The following PDZRN4 variants were observed in gnomAD, a reference collection of about 807,000 sequenced individuals.
The protein encoded by PDZRN4 is PDZ domain containing ring finger 4, also known as PDZ domain-containing RING finger protein 4.
In PDZRN4, 70 loss-of-function variants were observed where a neutral mutation model predicts 99.0. The ratio of observed to expected loss-of-function variants is 0.71; its 90% CI spans 0.58 to 0.86. The LOEUF (loss-of-function observed/expected upper bound fraction) is 0.86, where lower values mean the gene tolerates loss of function less well. Ranked by LOEUF, PDZRN4 falls within the 40% of genes least tolerant of loss-of-function variation. The pLI, the probability that PDZRN4 is intolerant of heterozygous loss-of-function variation, is 0.00. For synonymous variants in PDZRN4, 551 were observed against 501.6 expected (o/e 1.10, Z -1.32); for missense variants, 1,474 against 1,331.2 (o/e 1.11, Z -1.67).
intron 3 of PDZRN4, among the ~76,000 whole-genome samples, chr12:41,323,445 G>A (rs1951692495): frequency 6.6e-6 from 1 of 151,878 alleles, no homozygotes; most frequent in South Asian, 2.1e-4. Flanking sequence ...ATAGAATAAA[G>A]CCCAAAAGCA....
At chr12:41,459,889 C>T (rs1952853972) in intron 3 of PDZRN4, 1 of 1,203,772 alleles carries the variant, frequency 8.3e-7, no homozygotes, top group East Asian at 6.0e-5. Flanking sequence ...AAAATGAAAA[C>T]TTCTAGAACA....
chr12:41,499,937 A>C (rs1169552472), intron 3 of PDZRN4, among the ~76,000 whole-genome samples: 1 of 152,030 alleles, frequency 6.6e-6, no homozygotes, highest in African/African-American at 2.4e-5. Flanking sequence ...AAGCATTTCC[A>C]AGGCATTCAA....
intron 3 of PDZRN4, among the ~76,000 whole-genome samples, chr12:41,377,623 C>T (rs1307017160): frequency 6.6e-6 from 1 of 151,850 alleles, no homozygotes; most frequent in African/African-American, 2.4e-5. Flanking sequence ...GAGATCATGC[C>T]ACTGCACTCC....
intron 3 of PDZRN4, among the ~76,000 whole-genome samples, chr12:41,257,180 T>C (rs1951209392): frequency 6.6e-6 from 1 of 152,194 alleles, no homozygotes; most frequent in African/African-American, 2.4e-5. Context: ...TGAATTCTCT[T>C]TCTTCCTAAG....
intron 3 of PDZRN4, among the ~76,000 whole-genome samples, chr12:41,282,739 C>T (rs2120889360): frequency 6.6e-6 from 1 of 152,326 alleles, no homozygotes; most frequent in Admixed American, 6.5e-5. Flanking sequence ...CATACAACTA[C>T]ATGGAAACTG....
chr12:41,565,448 T>TAAA (rs60759503), intron 8 of PDZRN4, among the ~76,000 whole-genome samples: 1 of 144,666 alleles, frequency 6.9e-6, no homozygotes, highest in Non-Finnish European at 1.5e-5. Context: ...AAAAAAAAAC[T>TAAA]AAAAAAAAAA....
chr12:41,239,939 TC>T (rs1221785151), intron 3 of PDZRN4, among the ~76,000 whole-genome samples: 1 of 152,198 alleles, frequency 6.6e-6, no homozygotes, highest in Non-Finnish European at 1.5e-5. Flanking sequence ...CCCTGATATA[TC>T]CATTATGAGA....
intron 3 of PDZRN4, among the ~76,000 whole-genome samples, chr12:41,406,125 T>G (rs572435711): frequency 6.6e-6 from 1 of 152,136 alleles, no homozygotes; most frequent in Non-Finnish European, 1.5e-5. Flanking sequence ...TAAAAAACAT[T>G]AAATGTATCC....
intron 3 of PDZRN4, among the ~76,000 whole-genome samples, chr12:41,475,141 C>T (rs945576720): frequency 5.3e-5 from 8 of 152,126 alleles, no homozygotes; most frequent in African/African-American, 7.2e-5. Flanking sequence ...CCCTTTGAAT[C>T]CTCATTGCCT....
chr12:41,524,790 C>T (rs571994633), intron 5 of PDZRN4, among the ~76,000 whole-genome samples: 17 of 151,814 alleles, frequency 1.1e-4, no homozygotes, highest in East Asian at 7.8e-4. Context: ...TGCCTTTTGG[C>T]GAATACACTG....
rs1302667794 is a variant in PDZRN4 at position 41,573,686 on chromosome 12, G to A, written c.2907G>A (p.Glu969=). Residue 969 remains glutamate (E), a synonymous_variant, in exon 10 of 10, where the codon GAG becomes GAA. Transcript: ENST00000402685. The part of the protein sequence containing the change: ...RREFMMRSRL[E]CLKESPQSGS... ...AGTTCATGATGCGAAGCAGGTTAGA[G>A]TGTCTCAAGGAGAGCCCTCAGAGCG... 1 of 1,613,902 alleles carries A rather than the reference G, an allele frequency of 6.2e-7. No homozygotes were observed. The highest frequency in any genetic ancestry group is 8.5e-7 in the Non-Finnish European group (1 of 1,179,986).
intron 3 of PDZRN4, among the ~76,000 whole-genome samples, chr12:41,425,319 G>T (rs185874684): frequency 6.6e-6 from 1 of 151,110 alleles, no homozygotes; most frequent in Admixed American, 6.7e-5. Flanking sequence ...CTAGAAGCTG[G>T]GCATTATCTA....
intron 7 of PDZRN4, among the ~76,000 whole-genome samples, chr12:41,560,609 G>T (rs75043995): frequency 6.6e-6 from 1 of 152,096 alleles, no homozygotes; most frequent in Non-Finnish European, 1.5e-5. Context: ...GCTATGTGAC[G>T]TGACTACTCA....
chr12:41,340,379 G>T (rs193206558), intron 3 of PDZRN4, among the ~76,000 whole-genome samples: 1 of 152,004 alleles, frequency 6.6e-6, no homozygotes, highest in Admixed American at 6.6e-5. Context: ...AAAACTAAAA[G>T]CAATTGAACT....
At chr12:41,295,437 A>ATT (rs201417863) in intron 3 of PDZRN4, among the ~76,000 whole-genome samples, 3 of 151,322 alleles carry the variant, frequency 2.0e-5, no homozygotes, top group African/African-American at 7.3e-5. Context: ...TTTTGAAGGC[A>ATT]TTTTTTTTTC....
chr12:41,458,171 A>G (rs1389198126), intron 3 of PDZRN4, among the ~76,000 whole-genome samples: 1 of 152,118 alleles, frequency 6.6e-6, no homozygotes, highest in Non-Finnish European at 1.5e-5. Context: ...GTGTGTGTGT[A>G]TGTGAGATGG....
chr12:41,315,898 GTCTGAAA>G (rs1951635258), intron 3 of PDZRN4, among the ~76,000 whole-genome samples: 2 of 152,066 alleles, frequency 1.3e-5, no homozygotes, highest in Admixed American at 1.3e-4. Flanking sequence ...CCATTCTCCA[GTCTGAAA>G]TCTCCTTCCC....
chr12:41,353,081 G>A (rs186131116), intron 3 of PDZRN4, among the ~76,000 whole-genome samples: 4 of 152,174 alleles, frequency 2.6e-5, no homozygotes, highest in Admixed American at 2.6e-4. Flanking sequence ...TAGAATGGAA[G>A]AAATGTTTGT....
intron 7 of PDZRN4, among the ~76,000 whole-genome samples, chr12:41,558,575 T>C (rs1939210040): frequency 1.5e-5 from 2 of 135,034 alleles, no homozygotes. Flanking sequence ...TACTGTATGT[T>C]ATGACACTTC....
Sources: allele counts gnomAD v4.1 joint callset (sites outside exome capture counted in the v4.1 genomes callset), GRCh38; gene constraint gnomAD v4.1.1; transcripts MANE v1.5; gene names NCBI Gene and HGNC (gene_info 2026-07-23, HGNC 2026-07-21).